The following VGLL4 variants were observed in gnomAD, a reference collection of about 807,000 sequenced individuals.
VGLL4 encodes vestigial like family member 4.
Under a neutral mutation model 21.0 loss-of-function variants are expected in VGLL4, and 7 were observed. That is an observed-to-expected ratio of 0.33 (90% confidence interval 0.19 to 0.63). VGLL4 has a LOEUF of 0.63. VGLL4 is among the 20% of genes least tolerant of loss of function. VGLL4 has a pLI of 0.78. For missense variants in VGLL4, 394 were observed against 425.7 expected (o/e 0.93, Z 0.66); for synonymous variants, 222 against 173.2 (o/e 1.28, Z -2.21).
intron 1 of VGLL4, among the ~76,000 whole-genome samples, chr3:11,613,149 T>C (rs888880081): frequency 2.0e-5 from 3 of 152,100 alleles, no homozygotes; most frequent in African/African-American, 7.2e-5. Flanking sequence ...AACAGAGGGA[T>C]TAAGCTGGTA....
intron 2 of VGLL4, among the ~76,000 whole-genome samples, chr3:11,655,256 C>T (rs1225819043): frequency 1.3e-5 from 2 of 152,190 alleles, no homozygotes; most frequent in Non-Finnish European, 2.9e-5. Flanking sequence ...GTAATTTTTG[C>T]AAGCTCCCCT....
chr3:11,688,143 C>T (rs2076477297), intron 2 of VGLL4, among the ~76,000 whole-genome samples: 1 of 152,118 alleles, frequency 6.6e-6, no homozygotes, highest in Non-Finnish European at 1.5e-5. Flanking sequence ...ATGCAAATGG[C>T]TTACTTCGAC....
intron 2 of VGLL4, chr3:11,582,135 A>G: frequency 1.1e-6 from 1 of 888,590 alleles, no homozygotes; most frequent in Non-Finnish European, 1.7e-6. Flanking sequence ...AAGGAAAATC[A>G]CTGCTGTCCC....
intron 2 of VGLL4, among the ~76,000 whole-genome samples, chr3:11,649,096 A>G (rs912707342): frequency 6.6e-6 from 1 of 152,230 alleles, no homozygotes; most frequent in African/African-American, 2.4e-5. Flanking sequence ...TGTAAAATGA[A>G]AACCTGAAAA....
At chr3:11,569,817 G>T (rs2073704384) in intron 2 of VGLL4, among the ~76,000 whole-genome samples, 2 of 152,168 alleles carry the variant, frequency 1.3e-5, no homozygotes, top group Non-Finnish European at 2.9e-5. Context: ...GGAGGTGGAG[G>T]CTACAGTGAG....
intron 2 of VGLL4, among the ~76,000 whole-genome samples, chr3:11,696,669 T>C (rs1419680309): frequency 6.6e-6 from 1 of 152,120 alleles, no homozygotes; most frequent in Non-Finnish European, 1.5e-5. Flanking sequence ...TTAAATAGAG[T>C]GCAAAGACCA....
rs764221570 is a variant in VGLL4 at position 11,565,049 on chromosome 3, C to T, written c.273-30G>A. ...AAAAGAGGAATGGGCATTCAGGGGGCGTTTTCTCAAAGGCAAAGGGGACAG... is the reference window on the plus strand; with the variant it reads ...AAAAGAGGAATGGGCATTCAGGGGGTGTTTTCTCAAAGGCAAAGGGGACAG... On this transcript the variant is annotated intron_variant, in intron 2 of 4. Transcript: ENST00000430365. The surrounding 1 kb of genome is among the most constrained non-coding windows in gnomAD (Gnocchi z 4.1). The T allele has an allele frequency of 8.2e-6, 12 of 1,461,666 alleles. No homozygotes were observed. Among genetic ancestry groups the T allele is most frequent in the African/African-American group, 1.5e-5 (1 of 68,508 alleles). 90.5% of individuals were successfully genotyped at this position (1,461,666 alleles called of 1,614,324 possible). A position where few individuals can be genotyped will look rare whatever the true frequency, so the allele number is the denominator to read the frequency against.
chr3:11,639,106 C>T (rs761119405), intron 1 of VGLL4, among the ~76,000 whole-genome samples: 16 of 152,234 alleles, frequency 1.1e-4, no homozygotes, highest in Non-Finnish European at 1.8e-4. Context: ...AAATTACACA[C>T]TAATGGCTCT....
rs1232527881 is a variant in VGLL4, at chr3:11,564,950, A to G, written c.342T>C (p.Ala114=). The G allele has an allele frequency of 6.4e-7, 1 of 1,570,598 alleles. No individual in the cohort carries two copies. The highest frequency in any genetic ancestry group is 1.2e-5 in the South Asian group (1 of 85,932). Residue 114 remains alanine (A), a synonymous_variant, in exon 3 of 5, where the codon GCT becomes GCC. Coordinates refer to ENST00000430365, the MANE Select transcript of VGLL4 (RefSeq NM_001128219.3). The stretch of plus-strand genomic sequence containing the variant: ...CGTGCAGGCTCATGGTGGGGGCCAC[A>G]GCGCGCTCGATGGGGCTGCGGCTCC... ...RERSRSPIER[A]VAPTMSLHGS...
intron 2 of VGLL4, among the ~76,000 whole-genome samples, chr3:11,572,498 G>C (rs368288315): frequency 6.6e-6 from 1 of 152,300 alleles, no homozygotes; most frequent in East Asian, 1.9e-4. Context: ...AGAACATGCA[G>C]ACGCATGAGG....
In VGLL4 at chr3:11,615,641, C is replaced by G. The variant is rs1444408920; in HGVS notation, c.83-13619G>C. 3.3e-5 allele frequency among the ~76,000 whole-genome samples: 5 copies of G among 152,188 alleles called. No homozygotes were observed. The East Asian group carries it at 9.6e-4, about 29-fold the overall frequency. On this transcript the variant is annotated intron_variant, in intron 1 of 4. Transcript: ENST00000430365. ...TGTCATTGTCACTCAATCACATACTCATTTTTTTGTTTGGGTTCTGTTTTT... is the reference window on the plus strand; with the variant it reads ...TGTCATTGTCACTCAATCACATACTGATTTTTTTGTTTGGGTTCTGTTTTT...
chr3:11,661,316 T>C (rs1244026210), intron 2 of VGLL4, among the ~76,000 whole-genome samples: 1 of 151,582 alleles, frequency 6.6e-6, no homozygotes, highest in Non-Finnish European at 1.5e-5. Flanking sequence ...ACAATGCAAA[T>C]AAGGTACAGG....
At chr3:11,698,893 T>C (rs2076641460) in intron 2 of VGLL4, among the ~76,000 whole-genome samples, 1 of 152,212 alleles carries the variant, frequency 6.6e-6, no homozygotes, top group Non-Finnish European at 1.5e-5. Flanking sequence ...TTCAAAATGC[T>C]GAAACAATAA....
At position 11,570,399 on chromosome 3, in the gene VGLL4, T is replaced by C. The variant is rs189151329; in HGVS notation, c.273-5380A>G. 2.9e-3 allele frequency among the ~76,000 whole-genome samples: 447 copies of C among 152,324 alleles called. 2 individuals are homozygous for C. The highest frequency in any genetic ancestry group is 0.017 in the Middle Eastern group (5 of 294). Reference sequence around the variant, plus strand: ...ACCAAGGTCTGTCCCCGGACAGTCCTGCCACGCTGGCTTTCTCAGTCAGTA... The same window carrying C: ...ACCAAGGTCTGTCCCCGGACAGTCCCGCCACGCTGGCTTTCTCAGTCAGTA... On this transcript the variant is annotated intron_variant, in intron 2 of 4. Coordinates refer to ENST00000430365, the MANE Select transcript of VGLL4 (RefSeq NM_001128219.3).
chr3:11,643,667 G>GT lies in VGLL4; in HGVS notation c.-150dup. 1 of 1,346,094 alleles carries GT rather than the reference G, an allele frequency of 7.4e-7. No individual in the cohort carries two copies. The highest frequency in any genetic ancestry group is 9.5e-7 in the Non-Finnish European group (1 of 1,051,014). The allele number at this position is 1,346,094 out of a possible 1,614,324, so 83.4% of individuals were successfully genotyped here. ...GACTATCAAAACAAAGTATGCAAAA[G>GT]TTAAAAAAAAAAAAATCAGGCACAA... On this transcript the variant is annotated 5_prime_UTR_variant, in exon 1 of 5. Transcript: ENST00000430365.
chr3:11,576,626 G>T (rs970585502), intron 2 of VGLL4, among the ~76,000 whole-genome samples: 4 of 152,212 alleles, frequency 2.6e-5, no homozygotes, highest in African/African-American at 9.6e-5. Flanking sequence ...CTGAGGCGAG[G>T]ACTAGAGGGA....
At chr3:11,687,325 T>C (rs957784368) in intron 2 of VGLL4, among the ~76,000 whole-genome samples, 1 of 152,230 alleles carries the variant, frequency 6.6e-6, no homozygotes, top group Non-Finnish European at 1.5e-5. Flanking sequence ...AAATATAGTA[T>C]TTCCTTTTAT....
At chr3:11,582,582 G>A (rs778134538) in intron 2 of VGLL4, among the ~76,000 whole-genome samples, 1 of 152,198 alleles carries the variant, frequency 6.6e-6, no homozygotes, top group African/African-American at 2.4e-5. Flanking sequence ...CATTTGGTGA[G>A]AAAATAGATT....
chr3:11,611,006 A>G (rs892958957), intron 1 of VGLL4, among the ~76,000 whole-genome samples: 10 of 152,222 alleles, frequency 6.6e-5, no homozygotes, highest in Non-Finnish European at 1.5e-4. Flanking sequence ...TAATGGAAGC[A>G]CTGGAAGTAG....
Sources: gnomAD v4.1 joint callset for allele counts (sites outside exome capture counted in the v4.1 genomes callset) on GRCh38, gnomAD v4.1.1 for gene constraint, Gnocchi (gnomAD v3.1) non-coding constraint, MANE v1.5 for transcripts, NCBI Gene and HGNC (gene_info 2026-07-23, HGNC 2026-07-21) for gene names.